The following LARGE1 variants were observed in gnomAD, a reference collection of about 807,000 sequenced individuals.
The protein encoded by LARGE1 is xylosyl- and glucuronyltransferase LARGE1.
A neutral mutation model predicts 87.6 loss-of-function variants in LARGE1; 43 were observed. The ratio of observed to expected loss-of-function variants is 0.49; its 90% CI spans 0.38 to 0.63. The LOEUF is 0.63. LARGE1 is among the 30% of genes least tolerant of loss of function. LARGE1 has a pLI of 0.00. For missense variants in LARGE1, 802 were observed against 1,000.2 expected (o/e 0.80, Z 2.67); for synonymous variants, 434 against 394.6 (o/e 1.10, Z -1.18).
chr22:33,278,900 A>G (rs962658017), intron 13 of LARGE1, among the ~76,000 whole-genome samples: 1 of 152,042 alleles, frequency 6.6e-6, no homozygotes, highest in African/African-American at 2.4e-5. Context: ...TTGTATTTTT[A>G]GTAGACACGG....
chr22:33,896,786 A>G lies in LARGE1; in HGVS notation c.-83+23209T>C, dbSNP rs5999132. ...TAAAGGAGTCTTTTTCAGTTACACT[A>G]TTTGAGTTTTCCGTAATTAGATACT... On this transcript the variant is annotated intron_variant, in intron 1 of 14. Coordinates refer to ENST00000397394, the MANE Select transcript of LARGE1 (RefSeq NM_133642.5). Among the ~76,000 whole-genome samples the G allele has an allele frequency of 9.0e-3, 1,367 of 152,172 alleles. 36 individuals carry two copies. The highest frequency in any genetic ancestry group is 0.031 in the African/African-American group (1,300 of 41,480).
At position 33,775,807 on chromosome 22, in the gene LARGE1, G is replaced by A. The variant is rs921358375; in HGVS notation, c.-82-14249C>T. ...GTGGAGGTTGCAGGGAGCCGAGATC[G>A]CGCCACTGCACTCCAGCCTGGGTGA... On this transcript the variant is annotated intron_variant, in intron 1 of 14. Transcript: ENST00000397394. Among the ~76,000 whole-genome samples, 8 of 148,244 alleles carry A rather than the reference G, an allele frequency of 5.4e-5. No homozygotes were observed. In the East Asian group the frequency reaches 7.9e-4, roughly 15 times the overall value.
chr22:33,286,818 C>G (rs746820761), intron 12 of LARGE1, among the ~76,000 whole-genome samples: 51 of 152,166 alleles, frequency 3.4e-4, no homozygotes, highest in Non-Finnish European at 4.4e-4. Context: ...TCATCAGTTG[C>G]TATAGGAGCT....
chr22:33,153,050 A>G, the LARGE1 span, among the ~76,000 whole-genome samples: 1 of 152,110 alleles, frequency 6.6e-6, no homozygotes, highest in Non-Finnish European at 1.5e-5. Flanking sequence ...AATTTCATCA[A>G]CTTTGTCCAG....
At chr22:33,519,785 T>G (rs1432808282) in intron 6 of LARGE1, among the ~76,000 whole-genome samples, 1 of 152,140 alleles carries the variant, frequency 6.6e-6, no homozygotes, top group Admixed American at 6.5e-5. Flanking sequence ...CTGATCTACA[T>G]GGCCACATCA....
intron 11 of LARGE1, among the ~76,000 whole-genome samples, chr22:33,210,253 G>A (rs11914009): frequency 0.054 from 8,248 of 152,356 alleles, 747 homozygotes; most frequent in African/African-American, 0.19. Flanking sequence ...CCTTTGGGGC[G>A]TGTATCCTTG....
At chr22:33,917,371 G>A (rs2065817882) in intron 1 of LARGE1, among the ~76,000 whole-genome samples, 1 of 152,192 alleles carries the variant, frequency 6.6e-6, no homozygotes. Context: ...TTCCAATTCT[G>A]CTGGAAGGGC....
chr22:33,200,190 C>T (rs1024011765), intron 11 of LARGE1, among the ~76,000 whole-genome samples: 3 of 152,050 alleles, frequency 2.0e-5, no homozygotes, highest in Admixed American at 6.6e-5. Context: ...ACAAAAGTGA[C>T]GAAGATTCTT....
chr22:33,154,575 A>G, the LARGE1 span, among the ~76,000 whole-genome samples: 1 of 151,842 alleles, frequency 6.6e-6, no homozygotes, highest in Non-Finnish European at 1.5e-5. Context: ...ACAACCTTAT[A>G]TTTTCTTCTG....
chr22:33,762,053 T>C (rs1447815556), intron 1 of LARGE1, among the ~76,000 whole-genome samples: 2 of 151,644 alleles, frequency 1.3e-5, no homozygotes, highest in Non-Finnish European at 2.9e-5. Flanking sequence ...CCGTCTGTAC[T>C]AAAAGCACAA....
chr22:33,394,717 GTGTGTGTGTGTGTGTGTGTGTGTGTGTA>G (rs1237575313), intron 7 of LARGE1, among the ~76,000 whole-genome samples: 13 of 148,756 alleles, frequency 8.7e-5, no homozygotes, highest in African/African-American at 2.6e-4. Context: ...GTGTGTGTGT[GTGTGTGTGTGTGTGTGTGTGTGTGTGTA>G]TGTGTGTGTG....
At chr22:33,538,207 C>G (rs911926503) in intron 6 of LARGE1, among the ~76,000 whole-genome samples, 1 of 152,240 alleles carries the variant, frequency 6.6e-6, no homozygotes, top group Non-Finnish European at 1.5e-5. Flanking sequence ...TGCTTCCCCT[C>G]AACCTCACCT....
chr22:33,803,136 C>G (rs1311248033), intron 1 of LARGE1, among the ~76,000 whole-genome samples: 2 of 152,192 alleles, frequency 1.3e-5, no homozygotes, highest in African/African-American at 4.8e-5. Flanking sequence ...TCCCCCAAGA[C>G]AGCATTCATG....
intron 6 of LARGE1, among the ~76,000 whole-genome samples, chr22:33,509,170 G>T (rs183839264): frequency 6.6e-6 from 1 of 152,148 alleles, no homozygotes; most frequent in Non-Finnish European, 1.5e-5. Flanking sequence ...CACCCCTAGG[G>T]TTACTGATTT....
At chr22:33,373,972 C>CAAA (rs35830988) in intron 9 of LARGE1, among the ~76,000 whole-genome samples, 1,112 of 59,310 alleles carry the variant, frequency 0.019, 80 homozygotes, top group Admixed American at 0.069. Flanking sequence ...GACTCCGTCT[C>CAAA]AAAAAAAAAA....
intron 6 of LARGE1, among the ~76,000 whole-genome samples, chr22:33,444,283 G>A (rs990826114): frequency 1.3e-5 from 2 of 152,180 alleles, no homozygotes; most frequent in Non-Finnish European, 2.9e-5. Context: ...ACTGTAAAAT[G>A]AATTGTTAAA....
intron 6 of LARGE1, among the ~76,000 whole-genome samples, chr22:33,504,814 T>C (rs538704513): frequency 2.0e-5 from 3 of 152,194 alleles, no homozygotes; most frequent in Admixed American, 1.3e-4. Context: ...AAAAATAACA[T>C]AGTAGTTAAC....
chr22:33,662,076 CAAAAA>C (rs34470280), intron 2 of LARGE1, among the ~76,000 whole-genome samples: 2 of 54,892 alleles, frequency 3.6e-5, no homozygotes, highest in African/African-American at 7.1e-5. Context: ...GCTTAGGAGC[CAAAAA>C]AAAAAAAAAA....
Position 33,450,792 on chromosome 22 carries a change from T to C in LARGE1, c.788-18527A>G, listed in dbSNP as rs569175594. Among the ~76,000 whole-genome samples the C allele has an allele frequency of 2.2e-3, 337 of 152,260 alleles. 3 individuals carry two copies. Among genetic ancestry groups the C allele is most frequent in the Non-Finnish European group, 2.9e-3 (196 of 68,006 alleles). ...ACAGATGAGTAAAGGCCAGAACCCT[T>C]GTTTCCTAACAAAACTGTCCTTATG... is the stretch of plus-strand genomic sequence containing the variant. On this transcript the variant is annotated intron_variant, in intron 6 of 14. Transcript: ENST00000397394.
Sources: allele counts gnomAD v4.1 joint callset (sites outside exome capture counted in the v4.1 genomes callset), GRCh38; gene constraint gnomAD v4.1.1; transcripts MANE v1.5; gene names NCBI Gene and HGNC (gene_info 2026-07-23, HGNC 2026-07-21).